Variants in SETDB1 observed in about 807,000 individuals in gnomAD.
The protein encoded by SETDB1 is histone-lysine N-methyltransferase SETDB1.
In SETDB1, 31 loss-of-function variants were observed where a neutral mutation model predicts 137.4. The ratio of observed to expected loss-of-function variants is 0.23; its 90% CI spans 0.17 to 0.30. SETDB1 has a LOEUF of 0.30. Ranked by LOEUF, SETDB1 falls within the 10% of genes least tolerant of loss-of-function variation. The pLI is 1.00. For synonymous variants in SETDB1, 548 were observed against 579.9 expected, an observed-to-expected ratio of 0.95 and a Z score of 0.79; for missense variants, 1,113 against 1,631.5, an observed-to-expected ratio of 0.68 and a Z score of 5.47.
At position 150,961,054 on chromosome 1, in the gene SETDB1, T is replaced by C. The variant is rs1223043723; in HGVS notation, c.2995T>C (p.Ser999Pro). Residue 999 changes from serine (S) to proline (P), a missense_variant, in exon 16 of 22, where the codon TCT becomes CCT. Ser to Pro is a moderately conservative substitution (Grantham distance 74, BLOSUM62 -1). Transcript: ENST00000692827. ...NSVSEGGFAD[S>P]DSHSSFKTNE... Reference sequence around the variant, plus strand: ...TGTCAGTGAAGGTGGTTTTGCTGACTCTGATAGCCATTCATCCTTCAAGAC... The same window carrying C: ...TGTCAGTGAAGGTGGTTTTGCTGACCCTGATAGCCATTCATCCTTCAAGAC... 2 of 1,614,030 alleles carry C rather than the reference T, an allele frequency of 1.2e-6. No individual in the cohort carries two copies. Among genetic ancestry groups the C allele is most frequent in the East Asian group, 4.5e-5 (2 of 44,866 alleles).
At chr1:150,952,543 A>G (rs1015069644) in intron 14 of SETDB1, among the ~76,000 whole-genome samples, 2 of 152,166 alleles carry the variant, frequency 1.3e-5, no homozygotes, top group African/African-American at 2.4e-5. Context: ...CCGAAGGAGT[A>G]GTAGGTTTGA....
At chr1:150,957,356 T>C (rs1375203220) in intron 14 of SETDB1, among the ~76,000 whole-genome samples, 2 of 152,160 alleles carry the variant, frequency 1.3e-5, no homozygotes, top group Non-Finnish European at 2.9e-5. Context: ...CCACCTGTAT[T>C]AGGGCAGCTT....
At chr1:150,953,194 C>T (rs1670545965) in intron 14 of SETDB1, among the ~76,000 whole-genome samples, 1 of 152,078 alleles carries the variant, frequency 6.6e-6, no homozygotes, top group Admixed American at 6.5e-5. Flanking sequence ...GAGTTTGAGA[C>T]CAGACTGGGC....
At position 150,963,541 on chromosome 1, in the gene SETDB1, C is replaced by T; in HGVS notation, c.3472C>T (p.Arg1158Cys). Residue 1158 changes from arginine to cysteine, a missense_variant, in exon 20 of 22, where the codon CGT (arginine) becomes TGT (cysteine). This residue lies in a region of SETDB1 where 373 missense variants were observed against 412.7 expected (regional missense o/e 0.90). Coordinates refer to ENST00000692827, the MANE Select transcript of SETDB1 (RefSeq NM_001366418.1). The stretch of plus-strand genomic sequence containing the variant: ...TCCCTCCTGTCCAGGTCCAATGAAG[C>T]GTCAAGTGGCAGTAAAATCAACCCG... Reference protein sequence around the residue: ...DKKNMTGPMKRQVAVKSTRGF... With the variant: ...DKKNMTGPMKCQVAVKSTRGF... The T allele has an allele frequency of 1.2e-6, 2 of 1,611,686 alleles. No individual in the cohort carries two copies. The highest frequency in any genetic ancestry group is 1.7e-6 in the Non-Finnish European group (2 of 1,178,470).
intron 5 of SETDB1, among the ~76,000 whole-genome samples, chr1:150,941,878 A>G (rs1176738191): frequency 6.6e-6 from 1 of 152,150 alleles, no homozygotes; most frequent in African/African-American, 2.4e-5. Flanking sequence ...ACGGTGGCTC[A>G]CGCCTGTAAT....
chr1:150,935,581 A>G (rs1336143611), intron 3 of SETDB1, among the ~76,000 whole-genome samples: 3 of 152,044 alleles, frequency 2.0e-5, no homozygotes, highest in African/African-American at 4.8e-5. Context: ...TAATTTCTCT[A>G]TATGGGTATC....
chr1:150,960,715 T>A lies in SETDB1; in HGVS notation c.2656T>A (p.Leu886Met). ...TTCCTCTGACAGCAGTGGTGTAGAC[T>A]TGAAGGACCAGGAAGATGGCAACAG... The part of the protein sequence containing the change: ...PCSSDSSGVD[L>M]KDQEDGNSGT... Residue 886 changes from leucine (L) to methionine (M), a missense_variant, in exon 16 of 22, where the codon TTG becomes ATG. Transcript: ENST00000692827. 1 of 1,611,310 alleles carries A rather than the reference T, an allele frequency of 6.2e-7. No individual in the cohort carries two copies. The highest frequency in any genetic ancestry group is 8.5e-7 in the Non-Finnish European group (1 of 1,178,834).
At position 150,951,400 on chromosome 1, in the gene SETDB1, C is replaced by T. The variant is rs1571650884; in HGVS notation, c.2252C>T (p.Ala751Val). The change falls in exon 14 of 22, where the codon GCT becomes GTT. Residue 751 changes from alanine (A) to valine (V), a missense_variant. By Grantham distance (64) the Ala-to-Val change is moderately conservative (BLOSUM62 0). Transcript: ENST00000692827. ...KCACHQLTIQATACTPGGQIN... is the reference protein window; with the variant it reads ...KCACHQLTIQVTACTPGGQIN... The stretch of plus-strand genomic sequence containing the variant: ...GCCTGCCATCAACTAACTATCCAGG[C>T]TACAGCCTGTACCCCAGGAGGCCAA... The T allele has an allele frequency of 6.2e-7, 1 of 1,613,490 alleles. No homozygotes were observed.
chr1:150,963,963 GTTC>G (rs777978645), intron 20 of SETDB1, 29 bp from the exon 21 acceptor site: 5 of 1,599,360 alleles, frequency 3.1e-6, no homozygotes, highest in Middle Eastern at 1.7e-4. Context: ...AGTTTCCCTG[GTTC>G]TTATTTGATC....
rs774742432 is a variant in SETDB1 at position 150,927,706 on chromosome 1, G to T, written c.-9G>T. The T allele has an allele frequency of 6.2e-7, 1 of 1,613,386 alleles. No individual in the cohort carries two copies. The highest frequency in any genetic ancestry group is 1.1e-5 in the South Asian group (1 of 90,852). On this transcript the variant is annotated splice_region_variant and 5_prime_UTR_variant, in exon 2 of 22. Coordinates refer to ENST00000692827, the MANE Select transcript of SETDB1 (RefSeq NM_001366418.1). The stretch of plus-strand genomic sequence containing the variant: ...AATTTGTTTTCTGTTCCATGCAGAG[G>T]ACAAAAGCATGTCTTCCCTTCCTGG...
chr1:150,949,118 A>T lies in SETDB1; in HGVS notation c.1268-4A>T. 1 of 1,611,160 alleles carries T rather than the reference A, an allele frequency of 6.2e-7. No homozygotes were observed. Among genetic ancestry groups the T allele is most frequent in the Admixed American group, 1.7e-5 (1 of 59,386 alleles). On this transcript the variant is annotated splice_polypyrimidine_tract_variant and splice_region_variant and intron_variant, in intron 10 of 21. Coordinates refer to ENST00000692827, the MANE Select transcript of SETDB1 (RefSeq NM_001366418.1). ...CTCAGTGCTCAATTTCCTTTTTCCT[A>T]TAGGTGCTGTGAGGAGCAAAGGCCC...
chr1:150,960,500 A>AC, intron 15 of SETDB1, 63 bp from the exon 16 acceptor site: 1 of 1,386,022 alleles, frequency 7.2e-7, no homozygotes, highest in Non-Finnish European at 9.7e-7. Flanking sequence ...AAAAAAGCAA[A>AC]CAAAAAAAAA....
chr1:150,958,140 G>A (rs1444079274), intron 14 of SETDB1, among the ~76,000 whole-genome samples: 5 of 146,414 alleles, frequency 3.4e-5, no homozygotes, highest in Admixed American at 2.1e-4. Flanking sequence ...CTGAGATTGC[G>A]CCATTGCACT....
Position 150,927,801 on chromosome 1 carries a change from G to C in SETDB1, c.87G>C (p.Val29=). The part of the protein sequence containing the change: ...SEEIAELQQA[V]VEELGISMEE... ...AGATTGCAGAGCTGCAACAGGCAGT[G>C]GTTGAGGAACTGGGTATCTCTATGG... Residue 29 remains valine, a synonymous_variant, in exon 2 of 22, where the codon GTG becomes GTC. Coordinates refer to ENST00000692827, the MANE Select transcript of SETDB1 (RefSeq NM_001366418.1). 1 of 1,614,164 alleles carries C rather than the reference G, an allele frequency of 6.2e-7. No individual in the cohort carries two copies. The highest frequency in any genetic ancestry group is 8.5e-7 in the Non-Finnish European group (1 of 1,180,028).
At chr1:150,959,461 G>A in intron 15 of SETDB1, 114 bp downstream of exon 15, 1 of 836,494 alleles carries the variant, frequency 1.2e-6, no homozygotes, top group Non-Finnish European at 1.9e-6. Context: ...GGAGTAAGAG[G>A]AGGCCAGGGA....
chr1:150,926,758 T>TA (rs745621949), intron 1 of SETDB1: 3 of 533,230 alleles, frequency 5.6e-6, no homozygotes, highest in Non-Finnish European at 1.2e-5. Context: ...ACCGTTTGAT[T>TA]AAAAAAGCAG....
Position 150,961,818 on chromosome 1 carries a change from T to C in SETDB1, c.3133-312T>C, listed in dbSNP as rs587761421. ...TTCTACTAAAGTAGAGAAACAAGAA[T>C]TGATTTTAAGTATCTCTTTGATGAT... On this transcript the variant is annotated intron_variant, in intron 16 of 21. Coordinates refer to ENST00000692827, the MANE Select transcript of SETDB1 (RefSeq NM_001366418.1). 11 of 363,570 alleles carry C rather than the reference T, an allele frequency of 3.0e-5. No homozygotes were observed. In the East Asian group the frequency reaches 3.6e-4, roughly 12 times the overall value. The allele number at this position is 363,570 out of a possible 1,614,324, so 22.5% of individuals were successfully genotyped here. A position where few individuals can be genotyped will look rare whatever the true frequency, so the allele number is the denominator to read the frequency against.
chr1:150,962,021 T>C (rs1418362052), intron 16 of SETDB1, 109 bp from the exon 17 acceptor site: 3 of 1,302,664 alleles, frequency 2.3e-6, no homozygotes, highest in Admixed American at 1.7e-5. Context: ...CTTTAGAATG[T>C]GTACCTGTCA....
chr1:150,930,236 A>G (rs1039350045), intron 3 of SETDB1, 118 bp downstream of exon 3: 4 of 901,236 alleles, frequency 4.4e-6, no homozygotes, highest in Non-Finnish European at 6.7e-6. Context: ...CATATTTCTA[A>G]CTGCCTGAGT....
Sources: allele counts gnomAD v4.1 joint callset (sites outside exome capture counted in the v4.1 genomes callset), GRCh38; gene constraint gnomAD v4.1.1; regional missense constraint gnomAD v4.1.1; transcripts MANE v1.5; gene names NCBI Gene and HGNC (gene_info 2026-07-23, HGNC 2026-07-21).